TTC28: variants seen among roughly 807,000 people sequenced by gnomAD.
The protein encoded by TTC28 is tetratricopeptide repeat protein 28.
In TTC28, 61 loss-of-function variants were observed where a neutral mutation model predicts 198.0. That is an observed-to-expected ratio of 0.31 (90% CI 0.25 to 0.38). The LOEUF (loss-of-function observed/expected upper bound fraction) is 0.38, where lower values mean the gene tolerates loss of function less well. Ranked by LOEUF, TTC28 falls within the 10% of genes least tolerant of loss-of-function variation. The pLI is 1.00. For missense variants in TTC28, 2,678 were observed against 3,164.0 expected, an observed-to-expected ratio of 0.85 and a Z score of 3.69; for synonymous variants, 1,171 against 1,297.8, an observed-to-expected ratio of 0.90 and a Z score of 2.10.
At chr22:28,613,620 C>G (rs1425890957) in intron 2 of TTC28, among the ~76,000 whole-genome samples, 1 of 152,194 alleles carries the variant, frequency 6.6e-6, no homozygotes, top group African/African-American at 2.4e-5. Flanking sequence ...TGGGCTTCAT[C>G]CCTGGGATGC....
chr22:28,018,905 G>A (rs546563768), intron 13 of TTC28, among the ~76,000 whole-genome samples: 1 of 152,218 alleles, frequency 6.6e-6, no homozygotes, highest in Non-Finnish European at 1.5e-5. Context: ...CATCATTAGT[G>A]CTGCTGCTGC....
chr22:28,529,680 A>G (rs2145893136), intron 2 of TTC28, among the ~76,000 whole-genome samples: 1 of 152,318 alleles, frequency 6.6e-6, no homozygotes, highest in South Asian at 2.1e-4. Flanking sequence ...CACCTCATAC[A>G]GCCAGGTGCC....
intron 2 of TTC28, among the ~76,000 whole-genome samples, chr22:28,508,594 C>T (rs1250505058): frequency 6.6e-6 from 1 of 151,960 alleles, no homozygotes; most frequent in East Asian, 1.9e-4. Flanking sequence ...CCACAAAACA[C>T]ACTTTAAACC....
At chr22:28,494,936 G>T (rs2048432086) in intron 2 of TTC28, among the ~76,000 whole-genome samples, 1 of 151,210 alleles carries the variant, frequency 6.6e-6, no homozygotes. Context: ...AAGGAAAAAA[G>T]GAACAATCAA....
At chr22:28,341,390 G>A (rs935401595) in intron 2 of TTC28, among the ~76,000 whole-genome samples, 1 of 152,182 alleles carries the variant, frequency 6.6e-6, no homozygotes, top group Non-Finnish European at 1.5e-5. Context: ...TGGGGGTAAT[G>A]CCTGTAATCC....
At chr22:28,168,526 C>T (rs1569175893) in intron 5 of TTC28, among the ~76,000 whole-genome samples, 4 of 152,128 alleles carry the variant, frequency 2.6e-5, no homozygotes. Flanking sequence ...CGCATATCTA[C>T]AACCATCTGA....
chr22:28,165,421 C>A (rs1275324970), intron 5 of TTC28, among the ~76,000 whole-genome samples: 9 of 151,710 alleles, frequency 5.9e-5, no homozygotes, highest in Admixed American at 5.9e-4. Context: ...TTAAGAGCAG[C>A]CAGAGAGAAA....
intron 5 of TTC28, among the ~76,000 whole-genome samples, chr22:28,227,901 A>T (rs574614312): frequency 5.3e-5 from 8 of 152,298 alleles, no homozygotes; most frequent in Non-Finnish European, 4.4e-5. Context: ...AGGACCTCAA[A>T]TAGATATTTG....
intron 6 of TTC28, among the ~76,000 whole-genome samples, chr22:28,124,198 G>GTTGTTTGTTT (rs549703121): frequency 0.039 from 5,405 of 138,108 alleles, 333 homozygotes; most frequent in African/African-American, 0.14. Context: ...TGTTGTTGTT[G>GTTGTTTGTTT]TTTGTTTTTT....
intron 2 of TTC28, among the ~76,000 whole-genome samples, chr22:28,375,711 G>A (rs1409987477): frequency 6.6e-6 from 1 of 152,196 alleles, no homozygotes; most frequent in Non-Finnish European, 1.5e-5. Flanking sequence ...GGTGTTTCCA[G>A]AGAATATTGG....
rs559970237 is a variant in TTC28, at chr22:28,617,660, A to G, written c.381+11892T>C. Among the ~76,000 whole-genome samples, 7 of 152,318 alleles carry G rather than the reference A, an allele frequency of 4.6e-5. No homozygotes were observed. In the East Asian group the frequency reaches 1.2e-3, roughly 25 times the overall value. ...TTGGCCATATGAATTGCTTTGGCCA[A>G]TGGGAGAATAACAAATGCAGTACAA... On this transcript the variant is annotated intron_variant, in intron 2 of 22. Transcript: ENST00000397906.
Position 28,547,082 on chromosome 22 carries a change from C to T in TTC28, c.381+82470G>A, listed in dbSNP as rs539809595. Among the ~76,000 whole-genome samples, 274 of 152,206 alleles carry T rather than the reference C, an allele frequency of 1.8e-3. 1 individual carries two copies. Among genetic ancestry groups the T allele is most frequent in the African/African-American group, 5.6e-3 (232 of 41,532 alleles). On this transcript the variant is annotated intron_variant, in intron 2 of 22. Coordinates refer to ENST00000397906, the MANE Select transcript of TTC28 (RefSeq NM_001145418.2). The stretch of plus-strand genomic sequence containing the variant: ...ATATAAATATATAAATCTGATTGCA[C>T]GGGTTCATTTGTTAGGTTCATTGAG...
chr22:28,504,753 ATAAAAAACACTTTCT>A (rs2048583909), intron 2 of TTC28, among the ~76,000 whole-genome samples: 1 of 152,202 alleles, frequency 6.6e-6, no homozygotes, highest in African/African-American at 2.4e-5. Context: ...TATGCTCTTA[ATAAAAAACACTTTCT>A]TGATATAATG....
chr22:28,134,429 C>T (rs762232071), intron 6 of TTC28, among the ~76,000 whole-genome samples: 13 of 152,108 alleles, frequency 8.5e-5, no homozygotes, highest in Non-Finnish European at 1.3e-4. Flanking sequence ...GGAGGAAGTT[C>T]GAACCCATCA....
intron 12 of TTC28, among the ~76,000 whole-genome samples, chr22:28,047,106 T>C (rs1939897704): frequency 6.6e-6 from 1 of 152,130 alleles, no homozygotes; most frequent in African/African-American, 2.4e-5. Flanking sequence ...TCCCAGCCCC[T>C]TTCGGAGAGG....
intron 2 of TTC28, among the ~76,000 whole-genome samples, chr22:28,468,445 C>T (rs551812727): frequency 1.6e-4 from 24 of 152,240 alleles, no homozygotes; most frequent in Non-Finnish European, 3.1e-4. Flanking sequence ...TCCTCTCCCC[C>T]ATCTAAGCTC....
At chr22:28,519,493 A>T (rs749452524) in intron 2 of TTC28, among the ~76,000 whole-genome samples, 4 of 152,218 alleles carry the variant, frequency 2.6e-5, no homozygotes, top group Non-Finnish European at 5.9e-5. Context: ...GTTGAAACCA[A>T]TATGGCCAAC....
chr22:28,585,510 T>C (rs1250466226), intron 2 of TTC28, among the ~76,000 whole-genome samples: 1 of 152,168 alleles, frequency 6.6e-6, no homozygotes, highest in Admixed American at 6.5e-5. Flanking sequence ...AGAGAGCGGC[T>C]GTAAATGCAG....
intron 2 of TTC28, among the ~76,000 whole-genome samples, chr22:28,463,375 G>C (rs1157632146): frequency 1.3e-5 from 2 of 152,064 alleles, no homozygotes; most frequent in African/African-American, 4.8e-5. Flanking sequence ...GGTATCTAGA[G>C]CTAGAAATAC....
Sources: gnomAD v4.1 joint callset for allele counts (sites outside exome capture counted in the v4.1 genomes callset) on GRCh38, gnomAD v4.1.1 for gene constraint, MANE v1.5 for transcripts, NCBI Gene and HGNC (gene_info 2026-07-23, HGNC 2026-07-21) for gene names.